The following HNRNPR variants were observed in gnomAD, a reference collection of about 807,000 sequenced individuals.
HNRNPR encodes the protein heterogeneous nuclear ribonucleoprotein R.
Under a neutral mutation model 70.3 loss-of-function variants are expected in HNRNPR, and 4 were observed. That is an observed-to-expected ratio of 0.06 (90% confidence interval 0.03 to 0.13). The LOEUF is 0.13. HNRNPR is among the 10% of genes least tolerant of loss of function. HNRNPR has a pLI of 1.00. For missense variants in HNRNPR, 423 were observed against 788.5 expected (o/e 0.54, Z 5.55); for synonymous variants, 241 against 267.6 (o/e 0.90, Z 0.97).
Position 23,338,477 on chromosome 1 carries a change from G to C in HNRNPR, c.276+13C>G, listed in dbSNP as rs778044362. On this transcript the variant is annotated intron_variant, in intron 3 of 10. Coordinates refer to ENST00000302271, the MANE Select transcript of HNRNPR (RefSeq NM_005826.5). ...ACTAATTGTTCAAAGACATTTCTGA[G>C]TAACGACCTTACCTGAACATGTGAT... 1 of 1,061,542 alleles carries C rather than the reference G, an allele frequency of 9.4e-7. No homozygotes were observed. Among genetic ancestry groups the C allele is most frequent in the Admixed American group, 2.5e-5 (1 of 39,700 alleles). The allele number at this position is 1,061,542 out of a possible 1,614,324, so 65.8% of individuals were successfully genotyped here. A position where few individuals can be genotyped will look rare whatever the true frequency, so the allele number is the denominator to read the frequency against.
At position 23,308,124 on chromosome 1, in the gene HNRNPR, A is replaced by T. The variant is rs895433260; in HGVS notation, c.*2330T>A. ...AGGATTATGCTTTACAATTTAAAAT[A>T]GCCACAAAACCTATAAACCAAATAT... On this transcript the variant is annotated 3_prime_UTR_variant, in exon 11 of 11. Coordinates refer to ENST00000302271, the MANE Select transcript of HNRNPR (RefSeq NM_005826.5). 5 of 152,084 alleles carry T rather than the reference A, an allele frequency of 3.3e-5. No homozygotes were observed. The highest frequency in any genetic ancestry group is 3.3e-4 in the Admixed American group (5 of 15,284). 9.4% of individuals were successfully genotyped at this position (152,084 alleles called of 1,614,324 possible). A position where few individuals can be genotyped will look rare whatever the true frequency, so the allele number is the denominator to read the frequency against.
chr1:23,317,934 C>G (rs1025316253), intron 8 of HNRNPR, among the ~76,000 whole-genome samples: 5 of 151,314 alleles, frequency 3.3e-5, no homozygotes, highest in Non-Finnish European at 5.9e-5. Context: ...GAGCCGAGAT[C>G]GTACCACTGC....
chr1:23,341,547 A>G (rs1045363162), intron 1 of HNRNPR, among the ~76,000 whole-genome samples: 1 of 152,112 alleles, frequency 6.6e-6, no homozygotes, highest in African/African-American at 2.4e-5. Flanking sequence ...GGTTTTCTCC[A>G]CCTAACAATA....
intron 5 of HNRNPR, among the ~76,000 whole-genome samples, chr1:23,327,022 C>T (rs966552261): frequency 6.6e-6 from 1 of 152,078 alleles, no homozygotes; most frequent in African/African-American, 2.4e-5. Flanking sequence ...CCTCTGATTG[C>T]CCCCGTCTAC....
At chr1:23,317,519 G>C (rs1645594565) in intron 8 of HNRNPR, among the ~76,000 whole-genome samples, 1 of 152,020 alleles carries the variant, frequency 6.6e-6, no homozygotes, top group Non-Finnish European at 1.5e-5. Flanking sequence ...TTAAGAACCA[G>C]TACTCAAGGC....
At position 23,332,982 on chromosome 1, in the gene HNRNPR, G is replaced by A. The variant is rs374938110; in HGVS notation, c.498+536C>T. Among the ~76,000 whole-genome samples, 25 of 151,914 alleles carry A rather than the reference G, an allele frequency of 1.6e-4. No individual in the cohort carries two copies. The South Asian group carries it at 4.4e-3, about 26-fold the overall frequency. ...GTGGATAACTTGAGGTCAGGAGTTC[G>A]AGACCAGCCTGACCAACATGGTGAA... On this transcript the variant is annotated intron_variant, in intron 5 of 10. Transcript: ENST00000302271.
chr1:23,324,707 T>C (rs1645895317), intron 5 of HNRNPR, among the ~76,000 whole-genome samples: 1 of 152,208 alleles, frequency 6.6e-6, no homozygotes, highest in Non-Finnish European at 1.5e-5. Context: ...ATTTGAAGAA[T>C]TTGTGATCTT....
intron 5 of HNRNPR, among the ~76,000 whole-genome samples, chr1:23,331,471 C>G (rs2148437895): frequency 6.6e-6 from 1 of 151,200 alleles, no homozygotes; most frequent in East Asian, 1.9e-4. Flanking sequence ...CACCTGATGT[C>G]AGGAGTTCGA....
rs1468256602 is a variant in HNRNPR at position 23,308,440 on chromosome 1, T to C, written c.*2014A>G. On this transcript the variant is annotated 3_prime_UTR_variant, in exon 11 of 11. Coordinates refer to ENST00000302271, the MANE Select transcript of HNRNPR (RefSeq NM_005826.5). ...TCCAGGAAAAAAATCAGGGTTTTAC[T>C]TAAGTCTAATTAGATGTATAGTTAC... The C allele has an allele frequency of 6.6e-6, 1 of 152,118 alleles. No homozygotes were observed. The highest frequency in any genetic ancestry group is 1.5e-5 in the Non-Finnish European group (1 of 67,930). The allele number at this position is 152,118 out of a possible 1,614,324, so 9.4% of individuals were successfully genotyped here.
At chr1:23,315,642 G>C (rs1316020066) in intron 8 of HNRNPR, among the ~76,000 whole-genome samples, 2 of 152,176 alleles carry the variant, frequency 1.3e-5, no homozygotes, top group Non-Finnish European at 2.9e-5. Flanking sequence ...GGTAGACACA[G>C]GGATAGGGGT....
intron 9 of HNRNPR, among the ~76,000 whole-genome samples, chr1:23,313,256 T>C (rs1445584040): frequency 6.6e-6 from 1 of 152,168 alleles, no homozygotes; most frequent in African/African-American, 2.4e-5. Context: ...CTATTCAGTG[T>C]TTACAGCAGC....
intron 8 of HNRNPR, among the ~76,000 whole-genome samples, chr1:23,316,794 A>G (rs1645563532): frequency 6.6e-6 from 1 of 152,184 alleles, no homozygotes; most frequent in Non-Finnish European, 1.5e-5. Flanking sequence ...AAGCTAGTAA[A>G]AAATCAAAAT....
chr1:23,330,853 A>G (rs1646191729), intron 5 of HNRNPR, among the ~76,000 whole-genome samples: 1 of 152,200 alleles, frequency 6.6e-6, no homozygotes, highest in African/African-American at 2.4e-5. Context: ...ATCAAGACCT[A>G]AAAATGTTTA....
At chr1:23,344,053 G>A (rs1557963483) in intron 1 of HNRNPR, among the ~76,000 whole-genome samples, 158 bp downstream of exon 1, 1 of 151,974 alleles carries the variant, frequency 6.6e-6, no homozygotes. Context: ...GCCCACAGCC[G>A]CGCGGGCGGA....
intron 4 of HNRNPR, among the ~76,000 whole-genome samples, chr1:23,336,460 T>G (rs530071546): frequency 4.6e-5 from 7 of 151,438 alleles, no homozygotes; most frequent in Non-Finnish European, 8.8e-5. Flanking sequence ...TGGTCCCAGC[T>G]GCTCAGGAGG....
chr1:23,316,295 A>G (rs1024028698), intron 8 of HNRNPR, among the ~76,000 whole-genome samples: 2 of 152,180 alleles, frequency 1.3e-5, no homozygotes, highest in African/African-American at 4.8e-5. Context: ...CAGCCTGGGC[A>G]ACATGAGACC....
At chr1:23,332,770 G>A (rs1646295745) in intron 5 of HNRNPR, among the ~76,000 whole-genome samples, 1 of 151,324 alleles carries the variant, frequency 6.6e-6, no homozygotes, top group Non-Finnish European at 1.5e-5. Context: ...GTTGGGCACT[G>A]TGGCTCATGC....
chr1:23,323,037 G>A lies in HNRNPR; in HGVS notation c.675+519C>T, dbSNP rs184798187. On this transcript the variant is annotated intron_variant, in intron 6 of 10. Transcript: ENST00000302271. ...AGATTAAAGACAGAGAAGACTCAAGGGCCAAGAAACATACAGGAAGAACAA... is the reference window on the plus strand; with the variant it reads ...AGATTAAAGACAGAGAAGACTCAAGAGCCAAGAAACATACAGGAAGAACAA... Among the ~76,000 whole-genome samples the A allele has an allele frequency of 5.8e-3, 881 of 152,172 alleles. 6 individuals are homozygous for A. The highest frequency in any genetic ancestry group is 0.028 in the South Asian group (136 of 4,820).
chr1:23,337,612 G>T, intron 4 of HNRNPR, 142 bp downstream of exon 4: 1 of 571,674 alleles, frequency 1.7e-6, no homozygotes, highest in East Asian at 3.0e-5. Flanking sequence ...ATCCAAGACT[G>T]CGCCGCTACT....
Sources: allele counts gnomAD v4.1 joint callset (sites outside exome capture counted in the v4.1 genomes callset), GRCh38; gene constraint gnomAD v4.1.1; transcripts MANE v1.5; gene names NCBI Gene and HGNC (gene_info 2026-07-23, HGNC 2026-07-21).